SCUBE1: variants seen among roughly 807,000 people sequenced by gnomAD.
SCUBE1 encodes signal peptide, CUB and EGF-like domain-containing protein 1.
A neutral mutation model predicts 124.4 loss-of-function variants in SCUBE1; 59 were observed. The observed-to-expected ratio is 0.47, with a 90% CI of 0.38 to 0.59. The LOEUF is 0.59. Among genes scored for constraint, SCUBE1 ranks in the 20% least tolerant of loss-of-function variants. The probability of loss-of-function intolerance (pLI) is 0.00; values close to 1 mark genes in which losing one functional copy is unlikely to be tolerated. For synonymous variants in SCUBE1, 545 were observed against 550.9 expected, an observed-to-expected ratio of 0.99 and a Z score of 0.15; for missense variants, 1,150 against 1,371.2, an observed-to-expected ratio of 0.84 and a Z score of 2.55.
chr22:43,210,538 G>T lies in SCUBE1; in HGVS notation c.2384-298C>A, dbSNP rs1271905475. 1.3e-5 allele frequency among the ~76,000 whole-genome samples: 2 copies of T among 152,214 alleles called. No individual in the cohort carries two copies. Among genetic ancestry groups the T allele is most frequent in the Non-Finnish European group, 2.9e-5 (2 of 68,032 alleles). On this transcript the variant is annotated intron_variant, in intron 18 of 21. Transcript: ENST00000360835. The surrounding 1 kb of genome is among the most constrained non-coding windows in gnomAD (Gnocchi z 4.5). ...CCCTATTTCTCTGTGGCTGGGCCTTGTCAGGGGCACTGAGAGGGCCTGGAG... is the reference window on the plus strand; with the variant it reads ...CCCTATTTCTCTGTGGCTGGGCCTTTTCAGGGGCACTGAGAGGGCCTGGAG...
Position 43,258,659 on chromosome 22 carries a change from G to A in SCUBE1, c.611-324C>T, listed in dbSNP as rs192950317. Among the ~76,000 whole-genome samples the A allele has an allele frequency of 1.3e-5, 2 of 152,200 alleles. No individual in the cohort carries two copies. The highest frequency in any genetic ancestry group is 6.5e-5 in the Admixed American group (1 of 15,294). ...AAGACAGCTTCATCCTTCTCAGACTGCAGGACATTTTATAGCTGCCTGTCT... is the reference window on the plus strand; with the variant it reads ...AAGACAGCTTCATCCTTCTCAGACTACAGGACATTTTATAGCTGCCTGTCT... On this transcript the variant is annotated intron_variant, in intron 5 of 21. Transcript: ENST00000360835. This position sits in a 1 kb window ranked among gnomAD's most constrained non-coding sequence, Gnocchi z 5.0.
chr22:43,229,655 G>A (rs1922473874), intron 8 of SCUBE1, among the ~76,000 whole-genome samples: 1 of 152,110 alleles, frequency 6.6e-6, no homozygotes, highest in Non-Finnish European at 1.5e-5. Flanking sequence ...GATGTTTCTT[G>A]AGAAAATAAG....
intron 8 of SCUBE1, among the ~76,000 whole-genome samples, chr22:43,230,165 C>T (rs559127992): frequency 1.3e-5 from 2 of 152,234 alleles, no homozygotes; most frequent in African/African-American, 2.4e-5. Flanking sequence ...CTGGAATGAG[C>T]GAATGAATGT....
intron 16 of SCUBE1, among the ~76,000 whole-genome samples, 172 bp downstream of exon 16, chr22:43,213,918 G>T (rs964476160): frequency 1.3e-5 from 2 of 152,194 alleles, no homozygotes; most frequent in Admixed American, 6.5e-5. Flanking sequence ...CTTTGTAAGT[G>T]ATGACTGCAC....
chr22:43,301,588 C>T (rs1414477909), intron 3 of SCUBE1, among the ~76,000 whole-genome samples: 1 of 152,214 alleles, frequency 6.6e-6, no homozygotes, highest in Non-Finnish European at 1.5e-5. Context: ...GAGATGCTCT[C>T]TCTGACCACT....
rs890953343 is a variant in SCUBE1, at chr22:43,286,439, C to T, written c.484+4607G>A. Reference sequence around the variant, plus strand: ...AGCCCACAGGCGGCGTCTGATGAGGCTTCAGAGCAGAGCCCTGCAGGACAG... The same window carrying T: ...AGCCCACAGGCGGCGTCTGATGAGGTTTCAGAGCAGAGCCCTGCAGGACAG... On this transcript the variant is annotated intron_variant, in intron 4 of 21. Transcript: ENST00000360835. Among the ~76,000 whole-genome samples the T allele has an allele frequency of 2.6e-5, 4 of 152,268 alleles. No homozygotes were observed. In the South Asian group the frequency reaches 8.3e-4, roughly 31 times the overall value.
At chr22:43,331,913 G>A (rs953379089) in intron 2 of SCUBE1, among the ~76,000 whole-genome samples, 1 of 152,168 alleles carries the variant, frequency 6.6e-6, no homozygotes, top group African/African-American at 2.4e-5. Context: ...AGGAAACGGG[G>A]TGTGCAAAGG....
chr22:43,250,549 G>A (rs6003124), intron 6 of SCUBE1, among the ~76,000 whole-genome samples: 9 of 152,304 alleles, frequency 5.9e-5, no homozygotes, highest in African/African-American at 9.6e-5. Context: ...GGCCTATATC[G>A]GACAAGGTGG....
chr22:43,319,304 C>T (rs962582897), intron 3 of SCUBE1, among the ~76,000 whole-genome samples: 1 of 152,056 alleles, frequency 6.6e-6, no homozygotes. Context: ...AGGTGGCTCA[C>T]GCCTGTTATC....
chr22:43,200,085 G>C lies in SCUBE1; in HGVS notation c.*3912C>G, dbSNP rs1459947024. The stretch of plus-strand genomic sequence containing the variant: ...CTGACTCCTGGGAAGCTGTGCGGGA[G>C]ACACCCCGGTTTTCCATGCCTTTCT... On this transcript the variant is annotated 3_prime_UTR_variant, in exon 22 of 22. Transcript: ENST00000360835. 6.6e-6 allele frequency: 1 copy of C among 152,320 alleles called. No homozygotes were observed. The highest frequency in any genetic ancestry group is 2.4e-5 in the African/African-American group (1 of 41,472). 9.4% of individuals were successfully genotyped at this position (152,320 alleles called of 1,614,324 possible).
At chr22:43,245,546 G>C (rs1328042950) in intron 6 of SCUBE1, among the ~76,000 whole-genome samples, 1 of 152,150 alleles carries the variant, frequency 6.6e-6, no homozygotes, top group East Asian at 1.9e-4. Flanking sequence ...CACGGGACAG[G>C]ACACCCCGGC....
rs34893532 is a variant in SCUBE1, at chr22:43,214,100, C to G, written c.2043G>C (p.Ser681=). Residue 681 remains serine (S), a synonymous_variant, in exon 16 of 22, where the codon TCG becomes TCC. Coordinates refer to ENST00000360835, the MANE Select transcript of SCUBE1 (RefSeq NM_173050.5). ...GLGLPGARNV[S]ECGGQCSPGF... The stretch of plus-strand genomic sequence containing the variant: ...TAGGCCCGCACTTGCCTCCACATTC[C>G]GACACGTTGCGGGCACCAGGCAGAC... The G allele has an allele frequency of 1.2e-5, 18 of 1,446,228 alleles. No homozygotes were observed. Among genetic ancestry groups the G allele is most frequent in the Non-Finnish European group, 1.5e-5 (16 of 1,080,588 alleles). 89.6% of individuals were successfully genotyped at this position (1,446,228 alleles called of 1,614,324 possible). A position where few individuals can be genotyped will look rare whatever the true frequency, so the allele number is the denominator to read the frequency against.
rs945440981 is a variant in SCUBE1 at position 43,203,431 on chromosome 22, A to G, written c.*566T>C. ...CTTCATTAAATGTTCTGTTGAAGGA[A>G]TGCAGAAACTTCCAGTCTCCTCCCC... On this transcript the variant is annotated 3_prime_UTR_variant, in exon 22 of 22. Coordinates refer to ENST00000360835, the MANE Select transcript of SCUBE1 (RefSeq NM_173050.5). 6.6e-6 allele frequency: 1 copy of G among 151,254 alleles called. No homozygotes were observed. Among genetic ancestry groups the G allele is most frequent in the African/African-American group, 2.4e-5 (1 of 41,210 alleles). The allele number at this position is 151,254 out of a possible 1,614,324, so 9.4% of individuals were successfully genotyped here.
chr22:43,327,662 C>T (rs946364243), intron 2 of SCUBE1, among the ~76,000 whole-genome samples: 2 of 152,084 alleles, frequency 1.3e-5, no homozygotes, highest in Non-Finnish European at 2.9e-5. Flanking sequence ...TGGTGCATGC[C>T]TGTAATCCCA....
chr22:43,289,328 C>G (rs1925268132), intron 4 of SCUBE1, among the ~76,000 whole-genome samples: 1 of 152,250 alleles, frequency 6.6e-6, no homozygotes, highest in Non-Finnish European at 1.5e-5. Flanking sequence ...CTTGGCCCCA[C>G]AGCCCACAAC....
rs754221928 is a variant in SCUBE1, at chr22:43,218,280, G to A, written c.1866C>T (p.Gly622=). ...CGCATTTGCTGTCCTGTAGCACCTG[G>A]CCTGCGCCACATGCCCCCTGCCCCT... ...ALEGQGACGA[G]QVLQDSKCVA... is the part of the protein sequence containing the mutation. Residue 622 remains glycine, a synonymous_variant, in exon 15 of 22, where the codon GGC becomes GGT. Transcript: ENST00000360835. 6.2e-7 allele frequency: 1 copy of A among 1,613,118 alleles called. No individual in the cohort carries two copies. Among genetic ancestry groups the A allele is most frequent in the Non-Finnish European group, 8.5e-7 (1 of 1,179,994 alleles).
intron 8 of SCUBE1, among the ~76,000 whole-genome samples, chr22:43,229,511 G>A (rs951629220): frequency 6.6e-6 from 1 of 152,172 alleles, no homozygotes; most frequent in South Asian, 2.1e-4. Flanking sequence ...ATTAGGAGTG[G>A]TAGAGAGGCA....
At chr22:43,316,886 C>T (rs904084074) in intron 3 of SCUBE1, 1 of 152,154 alleles carries the variant, frequency 6.6e-6, no homozygotes, top group Non-Finnish European at 1.5e-5. Flanking sequence ...TTTTCCACAA[C>T]AAACTTATCT....
At chr22:43,343,133 C>T (rs1381252525) in intron 1 of SCUBE1, 41 bp downstream of exon 1, 17 of 1,040,078 alleles carry the variant, frequency 1.6e-5, no homozygotes, top group East Asian at 9.9e-5. Flanking sequence ...GCCGCCCGAG[C>T]CCCCCGCGCC....
Sources: allele counts gnomAD v4.1 joint callset (sites outside exome capture counted in the v4.1 genomes callset), GRCh38; gene constraint gnomAD v4.1.1; non-coding constraint Gnocchi (gnomAD v3.1); transcripts MANE v1.5; gene names NCBI Gene and HGNC (gene_info 2026-07-23, HGNC 2026-07-21).